Variants in FAM169A observed in about 807,000 individuals in gnomAD.
The protein encoded by FAM169A is family with sequence similarity 169 member A, also known as soluble lamin-associated protein of 75 kDa.
A neutral mutation model predicts 75.7 loss-of-function variants in FAM169A; 24 were observed. That is an observed-to-expected ratio of 0.32 (90% CI 0.23 to 0.45). FAM169A has a LOEUF of 0.45. Among genes scored for constraint, FAM169A ranks in the 20% least tolerant of loss-of-function variants. FAM169A has a pLI of 1.00. For synonymous variants in FAM169A, 271 were observed against 271.0 expected (o/e 1.00, Z 0.00); for missense variants, 673 against 784.0 (o/e 0.86, Z 1.69).
At chr5:74,853,190 T>C (rs1234730451) in intron 1 of FAM169A, among the ~76,000 whole-genome samples, 2 of 152,284 alleles carry the variant, frequency 1.3e-5, no homozygotes, top group African/African-American at 4.8e-5. Context: ...AGATGGAAGC[T>C]AGGAAGAAAG....
intron 5 of FAM169A, among the ~76,000 whole-genome samples, chr5:74,822,472 TCAG>T (rs1416105006): frequency 3.3e-5 from 5 of 152,194 alleles, no homozygotes; most frequent in African/African-American, 1.2e-4. Flanking sequence ...CTCTTATCTC[TCAG>T]CAGATCAACA....
At chr5:74,813,164 GGGAAA>G (rs1747293097) in intron 6 of FAM169A, among the ~76,000 whole-genome samples, 1 of 152,140 alleles carries the variant, frequency 6.6e-6, no homozygotes, top group South Asian at 2.1e-4. Context: ...CAGGATGAAG[GGGAAA>G]TGGATGGTGA....
At chr5:74,803,839 G>A (rs571630674) in intron 8 of FAM169A, among the ~76,000 whole-genome samples, 1 of 152,224 alleles carries the variant, frequency 6.6e-6, no homozygotes, top group South Asian at 2.1e-4. Context: ...CAACTTCATA[G>A]TCTTTCACCT....
intron 1 of FAM169A, among the ~76,000 whole-genome samples, chr5:74,845,582 T>A (rs539900369): frequency 6.6e-6 from 1 of 152,330 alleles, no homozygotes; most frequent in East Asian, 1.9e-4. Flanking sequence ...TAATTTTATA[T>A]AAATATGTAC....
intron 12 of FAM169A, 24 bp downstream of exon 12, chr5:74,782,907 A>G: frequency 6.3e-7 from 1 of 1,576,640 alleles, no homozygotes; most frequent in Non-Finnish European, 8.7e-7. Context: ...AACTTTATTA[A>G]AAAATAGCTC....
intron 5 of FAM169A, among the ~76,000 whole-genome samples, chr5:74,818,162 C>T (rs761779304): frequency 6.6e-6 from 1 of 152,012 alleles, no homozygotes; most frequent in South Asian, 2.1e-4. Context: ...TAAATTAGAC[C>T]TCATCAAAAT....
At chr5:74,865,613 C>G (rs1002440626) in intron 1 of FAM169A, 3 of 152,380 alleles carry the variant, frequency 2.0e-5, no homozygotes, top group Non-Finnish European at 2.9e-5. Flanking sequence ...AAAACTGCAA[C>G]GACCAGCATT....
intron 10 of FAM169A, chr5:74,799,407 A>G: frequency 1.9e-6 from 3 of 1,613,310 alleles, no homozygotes; most frequent in Non-Finnish European, 2.5e-6. Context: ...AGCACATTAA[A>G]AAGCTGATTC....
chr5:74,790,649 C>T (rs1280228150), intron 11 of FAM169A, among the ~76,000 whole-genome samples: 2 of 152,192 alleles, frequency 1.3e-5, no homozygotes, highest in South Asian at 2.1e-4. Flanking sequence ...CTTACCCAGC[C>T]GCCCCTGTCA....
chr5:74,819,834 T>C (rs563317394), intron 5 of FAM169A, among the ~76,000 whole-genome samples: 1 of 152,028 alleles, frequency 6.6e-6, no homozygotes, highest in African/African-American at 2.4e-5. Flanking sequence ...TAAAATAGAT[T>C]AGTGGTTGTT....
intron 6 of FAM169A, among the ~76,000 whole-genome samples, chr5:74,805,758 A>G (rs981873153): frequency 6.6e-6 from 1 of 151,966 alleles, no homozygotes; most frequent in African/African-American, 2.4e-5. Context: ...ACAGAGGGAC[A>G]TAGAAAAACT....
At chr5:74,846,926 G>A (rs1414497593) in intron 1 of FAM169A, among the ~76,000 whole-genome samples, 1 of 152,150 alleles carries the variant, frequency 6.6e-6, no homozygotes, top group Non-Finnish European at 1.5e-5. Context: ...GCAGGGGTGA[G>A]ACTGGAACAC....
At position 74,834,419 on chromosome 5, in the gene FAM169A, G is replaced by A. The variant is rs1223284383; in HGVS notation, c.490+7C>T. ...ATACACAGTTTAAATAACTTTTAAAGACTCACCTGTAGGCTTAACTGAATA... is the reference window on the plus strand; with the variant it reads ...ATACACAGTTTAAATAACTTTTAAAAACTCACCTGTAGGCTTAACTGAATA... On this transcript the variant is annotated splice_region_variant and intron_variant, in intron 5 of 12. Transcript: ENST00000687041. The A allele has an allele frequency of 7.0e-7, 1 of 1,436,788 alleles. No homozygotes were observed. The highest frequency in any genetic ancestry group is 9.2e-7 in the Non-Finnish European group (1 of 1,086,852). The allele number at this position is 1,436,788 out of a possible 1,614,324, so 89.0% of individuals were successfully genotyped here. A position where few individuals can be genotyped will look rare whatever the true frequency, so the allele number is the denominator to read the frequency against.
At chr5:74,797,095 G>A (rs763816693) in intron 10 of FAM169A, among the ~76,000 whole-genome samples, 1 of 152,150 alleles carries the variant, frequency 6.6e-6, no homozygotes, top group South Asian at 2.1e-4. Context: ...ACCTGTGATA[G>A]CCCAGCTCAG....
chr5:74,857,572 G>GGAAA (rs1554053966), intron 1 of FAM169A, among the ~76,000 whole-genome samples: 1 of 56,290 alleles, frequency 1.8e-5, no homozygotes, highest in Non-Finnish European at 3.8e-5. Context: ...CTTGCCGCGG[G>GGAAA]AAAAAAAAAA....
chr5:74,850,547 C>T (rs767833414), intron 1 of FAM169A, among the ~76,000 whole-genome samples: 6 of 152,166 alleles, frequency 3.9e-5, no homozygotes, highest in Non-Finnish European at 7.3e-5. Flanking sequence ...GTATAAAATA[C>T]TGGTTAAGGG....
intron 6 of FAM169A, among the ~76,000 whole-genome samples, chr5:74,810,226 A>G (rs1471594164): frequency 6.6e-6 from 1 of 152,214 alleles, no homozygotes. Context: ...GAGATACCAT[A>G]TATTTCCATT....
intron 11 of FAM169A, among the ~76,000 whole-genome samples, chr5:74,795,515 G>A (rs1407061864): frequency 6.7e-6 from 1 of 150,250 alleles, no homozygotes; most frequent in Non-Finnish European, 1.5e-5. Context: ...TAGTTACCAA[G>A]GGTTTATATA....
chr5:74,856,226 G>C (rs1749698374), intron 1 of FAM169A, among the ~76,000 whole-genome samples: 1 of 152,134 alleles, frequency 6.6e-6, no homozygotes. Flanking sequence ...GATTTCTCCA[G>C]TTGTGTTCTT....
Sources: gnomAD v4.1 joint callset for allele counts (sites outside exome capture counted in the v4.1 genomes callset) on GRCh38, gnomAD v4.1.1 for gene constraint, MANE v1.5 for transcripts, NCBI Gene and HGNC (gene_info 2026-07-23, HGNC 2026-07-21) for gene names.